Variants in SH3TC2 observed in about 807,000 individuals in gnomAD.
SH3TC2 encodes the protein SH3 domain and tetratricopeptide repeat-containing protein 2.
SH3TC2 carries 87 observed loss-of-function variants against 124.5 expected under a neutral mutation model. The observed-to-expected ratio is 0.70, with a 90% confidence interval of 0.59 to 0.84. The LOEUF (loss-of-function observed/expected upper bound fraction) is 0.84, where lower values mean the gene tolerates loss of function less well. Among genes scored for constraint, SH3TC2 ranks in the 40% least tolerant of loss-of-function variants. The pLI is 0.00. For missense variants in SH3TC2, 1,536 were observed against 1,566.4 expected (o/e 0.98, Z 0.33); for synonymous variants, 634 against 628.5 (o/e 1.01, Z -0.13).
rs1013210965 is a variant in SH3TC2 at position 149,003,906 on chromosome 5, C to T, written c.*805G>A. Reference sequence around the variant, plus strand: ...TGGTATTCTCTCCCATCCATCAAGTCCTCCATCTCATCTGCCCCCATTGTG... The same window carrying T: ...TGGTATTCTCTCCCATCCATCAAGTTCTCCATCTCATCTGCCCCCATTGTG... On this transcript the variant is annotated 3_prime_UTR_variant, in exon 17 of 17. Coordinates refer to ENST00000515425, the MANE Select transcript of SH3TC2 (RefSeq NM_024577.4). 3.0e-6 allele frequency: 1 copy of T among 334,354 alleles called. No homozygotes were observed. Among genetic ancestry groups the T allele is most frequent in the Non-Finnish European group, 6.0e-6 (1 of 166,496 alleles). The allele number at this position is 334,354 out of a possible 1,614,324, so 20.7% of individuals were successfully genotyped here.
chr5:149,026,439 G>T (rs1405295511), intron 12 of SH3TC2, 133 bp downstream of exon 12: 4 of 1,048,698 alleles, frequency 3.8e-6, no homozygotes, highest in Non-Finnish European at 5.8e-6. Context: ...TGTGGTGGCT[G>T]CAGAGCCCTT....
intron 2 of SH3TC2, among the ~76,000 whole-genome samples, chr5:149,049,334 G>A (rs1440014327): frequency 6.6e-6 from 1 of 152,212 alleles, no homozygotes; most frequent in African/African-American, 2.4e-5. Flanking sequence ...AGCCCAGGGA[G>A]GGGTCACGCA....
At chr5:149,041,750 G>T in intron 5 of SH3TC2, 133 bp from the exon 6 acceptor site, 4 of 970,866 alleles carry the variant, frequency 4.1e-6, no homozygotes, top group East Asian at 2.6e-5. Flanking sequence ...GTTTCACAGG[G>T]GAGACACTAA....
In SH3TC2 at chr5:148,999,128, G is replaced by A. The variant is rs1389725340; in HGVS notation, c.*5583C>T. Among the ~76,000 whole-genome samples, 1 of 152,230 alleles carries A rather than the reference G, an allele frequency of 6.6e-6. No individual in the cohort carries two copies. The highest frequency in any genetic ancestry group is 1.5e-5 in the Non-Finnish European group (1 of 68,042). On this transcript the variant is annotated 3_prime_UTR_variant, in exon 17 of 17. Coordinates refer to ENST00000515425, the MANE Select transcript of SH3TC2 (RefSeq NM_024577.4). ...AATAATTGAAGCTTAAAGAGGTAAA[G>A]TAAGTTGCTCAGGTCACTCAGTGAT...
At chr5:149,036,417 T>C (rs6866101) in intron 8 of SH3TC2, among the ~76,000 whole-genome samples, 79,551 of 151,966 alleles carry the variant, frequency 0.52, 22,010 homozygotes, top group African/African-American at 0.7. Context: ...GCTCCTCTGT[T>C]TCCTCTCTGC....
rs557646791 is a variant in SH3TC2 at position 149,061,186 on chromosome 5, A to C, written c.52+1785T>G. Among the ~76,000 whole-genome samples the C allele has an allele frequency of 2.0e-5, 3 of 152,332 alleles. No individual in the cohort carries two copies. In the South Asian group the frequency reaches 6.2e-4, roughly 32 times the overall value. ...AAAAAGAAGGTGAAAGAATAAAGTA[A>C]TTGAATGATAGTGTTATTATGATTT... On this transcript the variant is annotated intron_variant, in intron 1 of 16. Coordinates refer to ENST00000515425, the MANE Select transcript of SH3TC2 (RefSeq NM_024577.4).
chr5:149,055,006 G>A (rs1754617678), intron 1 of SH3TC2, among the ~76,000 whole-genome samples: 1 of 152,122 alleles, frequency 6.6e-6, no homozygotes, highest in Non-Finnish European at 1.5e-5. Context: ...AATGTGATAT[G>A]TGAACTGTCT....
At chr5:149,028,607 C>G in intron 10 of SH3TC2, 53 bp from the exon 11 acceptor site, 1 of 1,614,144 alleles carries the variant, frequency 6.2e-7, no homozygotes, top group Non-Finnish European at 8.5e-7. Context: ...CTAAGGTGGC[C>G]GCTCTTGGCA....
At position 148,982,345 on chromosome 5, in the gene SH3TC2, A is replaced by G. The variant is rs1580873185; in HGVS notation, c.*22366T>C. Among the ~76,000 whole-genome samples the G allele has an allele frequency of 6.6e-6, 1 of 152,216 alleles. No homozygotes were observed. Among genetic ancestry groups the G allele is most frequent in the East Asian group, 1.9e-4 (1 of 5,200 alleles). On this transcript the variant is annotated 3_prime_UTR_variant, in exon 17 of 17. Coordinates refer to ENST00000515425, the MANE Select transcript of SH3TC2 (RefSeq NM_024577.4). Reference sequence around the variant, plus strand: ...AGGGCCATTCAGCGTCTATCAAAACAACAAATGCATATGCCCTTAGTATTC... The same window carrying G: ...AGGGCCATTCAGCGTCTATCAAAACGACAAATGCATATGCCCTTAGTATTC...
In SH3TC2 at chr5:149,026,943, A is replaced by C. The variant is rs1754075841; in HGVS notation, c.2789T>G (p.Leu930Arg). Residue 930 changes from leucine to arginine, a missense_variant, in exon 11 of 17, where the codon CTG becomes CGG. This residue lies in a region of SH3TC2 where 426 missense variants were observed against 443.5 expected (regional missense o/e 0.96). Transcript: ENST00000515425. ...VQVFLWLAQV[L>R]VSGHQLTHGL... ...ATGGGTCAGCTGGTGTCCAGACACC[A>C]GAACTTGGGCCAACCAGAGAAACAC... 1.2e-6 allele frequency: 2 copies of C among 1,614,102 alleles called. No individual in the cohort carries two copies. Among genetic ancestry groups the C allele is most frequent in the Non-Finnish European group, 1.7e-6 (2 of 1,180,054 alleles).
intron 1 of SH3TC2, among the ~76,000 whole-genome samples, chr5:149,059,715 T>C (rs1352245953): frequency 1.3e-5 from 2 of 152,154 alleles, no homozygotes; most frequent in East Asian, 1.9e-4. Context: ...AACAATTCTT[T>C]GGAATGATTG....
At chr5:149,046,945 T>G (rs2127402046) in intron 3 of SH3TC2, 1 of 152,288 alleles carries the variant, frequency 6.6e-6, no homozygotes, top group South Asian at 2.1e-4. Flanking sequence ...AAACCAGACA[T>G]TATCTTTTTT....
At chr5:149,006,360 C>A in intron 16 of SH3TC2, 1 of 123,346 alleles carries the variant, frequency 8.1e-6, no homozygotes, top group Non-Finnish European at 1.8e-5. Flanking sequence ...GTTTAAAGGC[C>A]CCATACCTCG....
In SH3TC2 at chr5:149,001,977, G is replaced by A. The variant is rs1466961897; in HGVS notation, c.*2734C>T. ...CACAGAAGTTTCAACTGATTATAAA[G>A]CTCAATGGAAGCCAAGGACAGATGT... On this transcript the variant is annotated 3_prime_UTR_variant, in exon 17 of 17. Coordinates refer to ENST00000515425, the MANE Select transcript of SH3TC2 (RefSeq NM_024577.4). 6.6e-6 allele frequency: 1 copy of A among 152,284 alleles called. No homozygotes were observed. Among genetic ancestry groups the A allele is most frequent in the Non-Finnish European group, 1.5e-5 (1 of 68,050 alleles). 9.4% of individuals were successfully genotyped at this position (152,284 alleles called of 1,614,324 possible).
rs1375670901 is a variant in SH3TC2, at chr5:149,047,965, T to A, written c.176A>T (p.Lys59Met). 3 of 1,613,952 alleles carry A rather than the reference T, an allele frequency of 1.9e-6. No homozygotes were observed. Among genetic ancestry groups the A allele is most frequent in the Non-Finnish European group, 2.5e-6 (3 of 1,180,000 alleles). Residue 59 changes from lysine to methionine, a missense_variant, in exon 3 of 17, where the codon AAG becomes ATG. Lys to Met is a moderately conservative substitution (Grantham distance 95). Around this residue, in one of 3 missense-constraint regions of SH3TC2, gnomAD observed 1,102 missense variants for 1,098.6 expected, o/e 1.00. Coordinates refer to ENST00000515425, the MANE Select transcript of SH3TC2 (RefSeq NM_024577.4). ...ATTTACACACCTCCTGGAGCGGCTCTTTACACAGAAGGAGAGTGTCAGGTC... is the reference window on the plus strand; with the variant it reads ...ATTTACACACCTCCTGGAGCGGCTCATTACACAGAAGGAGAGTGTCAGGTC... ...NPDLTLSFCV[K>M]SRSRRCVNGP...
intron 1 of SH3TC2, among the ~76,000 whole-genome samples, chr5:149,053,876 T>A (rs896196226): frequency 6.6e-6 from 1 of 152,094 alleles, no homozygotes; most frequent in Admixed American, 6.6e-5. Context: ...AGTAGAATGA[T>A]GGTTACTAGA....
rs1753518417 is a variant in SH3TC2 at position 148,996,897 on chromosome 5, G to C, written c.*7814C>G. On this transcript the variant is annotated 3_prime_UTR_variant, in exon 17 of 17. Coordinates refer to ENST00000515425, the MANE Select transcript of SH3TC2 (RefSeq NM_024577.4). The stretch of plus-strand genomic sequence containing the variant: ...ATCTATTTTCAAAATCCTTTTCATA[G>C]ATAACAGTAAAATGTGTGACCCTAA... Among the ~76,000 whole-genome samples, 1 of 152,138 alleles carries C rather than the reference G, an allele frequency of 6.6e-6. No individual in the cohort carries two copies. Among genetic ancestry groups the C allele is most frequent in the East Asian group, 1.9e-4 (1 of 5,192 alleles).
rs1334911012 is a variant in SH3TC2, at chr5:149,044,396, T to C, written c.385+137A>G. 2.6e-5 allele frequency: 18 copies of C among 684,718 alleles called. No individual in the cohort carries two copies. The South Asian group carries it at 2.7e-4, about 10-fold the overall frequency. 42.4% of individuals were successfully genotyped at this position (684,718 alleles called of 1,614,324 possible). A position where few individuals can be genotyped will look rare whatever the true frequency, so the allele number is the denominator to read the frequency against. Reference sequence around the variant, plus strand: ...ATTTAGTTTGAGGCACTTTGTGAAATTTCAAAAGTTAACCATCTTTTTTAA... The same window carrying C: ...ATTTAGTTTGAGGCACTTTGTGAAACTTCAAAAGTTAACCATCTTTTTTAA... On this transcript the variant is annotated intron_variant, in intron 4 of 16. Transcript: ENST00000515425.
intron 8 of SH3TC2, chr5:149,034,518 G>A: frequency 2.4e-6 from 1 of 409,236 alleles, no homozygotes; most frequent in Non-Finnish European, 4.9e-6. Flanking sequence ...AACACACCAA[G>A]TCCTGAGCAA....
Sources: gnomAD v4.1 joint callset for allele counts (sites outside exome capture counted in the v4.1 genomes callset) on GRCh38, gnomAD v4.1.1 for gene constraint, gnomAD v4.1.1 regional missense constraint, MANE v1.5 for transcripts, NCBI Gene and HGNC (gene_info 2026-07-23, HGNC 2026-07-21) for gene names.